CDH12: variants seen among roughly 807,000 people sequenced by gnomAD.
CDH12 encodes cadherin-12.
Under a neutral mutation model 74.1 loss-of-function variants are expected in CDH12, and 41 were observed. The ratio of observed to expected loss-of-function variants is 0.55; its 90% CI spans 0.43 to 0.72. CDH12 has a LOEUF of 0.72. Ranked by LOEUF, CDH12 falls within the 30% of genes least tolerant of loss-of-function variation. CDH12 has a pLI of 0.00. For missense variants in CDH12, 945 were observed against 977.2 expected, an observed-to-expected ratio of 0.97 and a Z score of 0.44; for synonymous variants, 399 against 355.0, an observed-to-expected ratio of 1.12 and a Z score of -1.39.
At chr5:22,622,190 A>AGTTATAAATAAGCT (rs1013661590) in intron 1 of CDH12, among the ~76,000 whole-genome samples, 1 of 152,306 alleles carries the variant, frequency 6.6e-6, no homozygotes, top group African/African-American at 2.4e-5. Flanking sequence ...TACTAGACAA[A>AGTTATAAATAAGCT]GTTATAAATA....
intron 4 of CDH12, among the ~76,000 whole-genome samples, chr5:22,207,889 C>T (rs1751307467): frequency 6.6e-6 from 1 of 152,188 alleles, no homozygotes; most frequent in Admixed American, 6.5e-5. Context: ...GGTAAGGTGA[C>T]AGCTAATAAT....
intron 1 of CDH12, among the ~76,000 whole-genome samples, chr5:22,614,820 A>G (rs893631909): frequency 6.6e-6 from 1 of 152,020 alleles, no homozygotes; most frequent in Non-Finnish European, 1.5e-5. Context: ...ACTATGCATT[A>G]ATTTCTTTTT....
At chr5:22,570,022 G>T (rs1380992654) in intron 1 of CDH12, among the ~76,000 whole-genome samples, 1 of 151,750 alleles carries the variant, frequency 6.6e-6, no homozygotes, top group African/African-American at 2.4e-5. Context: ...ATAATCTTAT[G>T]AAATGTATTT....
chr5:22,587,723 C>A (rs182217590), intron 1 of CDH12, among the ~76,000 whole-genome samples: 2 of 152,018 alleles, frequency 1.3e-5, no homozygotes, highest in Non-Finnish European at 2.9e-5. Context: ...ATCTGTTCCT[C>A]TTTACTAACC....
Position 21,751,594 on chromosome 5 carries a change from G to C in CDH12, c.*143C>G. 1.5e-6 allele frequency: 1 copy of C among 661,692 alleles called. No homozygotes were observed. Among genetic ancestry groups the C allele is most frequent in the Non-Finnish European group, 2.5e-6 (1 of 405,214 alleles). 41.0% of individuals were successfully genotyped at this position (661,692 alleles called of 1,614,324 possible). On this transcript the variant is annotated 3_prime_UTR_variant, in exon 15 of 15. Transcript: ENST00000382254. ...ACTTACTAGAAACCAGGTAATCAAA[G>C]GAATCTTGTCCCAGAGTGTGTGTGT...
rs1257629480 is a variant in CDH12 at position 22,625,935 on chromosome 5, A to G, written c.-522-120571T>C. ...CTTGAAATCCCATCACTTTGTCAGTATACACACTTGGGTGGACCTTGCCTC... is the reference window on the plus strand; with the variant it reads ...CTTGAAATCCCATCACTTTGTCAGTGTACACACTTGGGTGGACCTTGCCTC... On this transcript the variant is annotated intron_variant, in intron 1 of 14. Coordinates refer to ENST00000382254, the MANE Select transcript of CDH12 (RefSeq NM_004061.5). 3.9e-5 allele frequency among the ~76,000 whole-genome samples: 6 copies of G among 151,982 alleles called. No homozygotes were observed. The East Asian group carries it at 1.2e-3, about 30-fold the overall frequency.
At chr5:22,154,279 A>G (rs915845706) in intron 4 of CDH12, among the ~76,000 whole-genome samples, 1 of 151,440 alleles carries the variant, frequency 6.6e-6, no homozygotes, top group South Asian at 2.1e-4. Context: ...GATTTCAATT[A>G]TACAATATAG....
intron 1 of CDH12, among the ~76,000 whole-genome samples, chr5:22,723,989 C>T (rs905543888): frequency 3.3e-5 from 5 of 151,654 alleles, no homozygotes; most frequent in African/African-American, 1.2e-4. Flanking sequence ...TACGTGATAC[C>T]GTTTTCTCAG....
intron 3 of CDH12, among the ~76,000 whole-genome samples, chr5:22,334,470 A>G (rs112400181): frequency 0.014 from 2,127 of 152,268 alleles, 29 homozygotes; most frequent in Non-Finnish European, 0.02. Flanking sequence ...CTATGAAAAT[A>G]CCAATGACAT....
At chr5:22,468,495 C>T (rs1430792572) in intron 2 of CDH12, among the ~76,000 whole-genome samples, 1 of 152,090 alleles carries the variant, frequency 6.6e-6, no homozygotes, top group East Asian at 1.9e-4. Flanking sequence ...TTGGAAAGCT[C>T]AGTAAGAATT....
intron 1 of CDH12, among the ~76,000 whole-genome samples, chr5:22,545,762 T>C (rs1738296709): frequency 6.6e-6 from 1 of 152,214 alleles, no homozygotes. Context: ...TATTTTTCTC[T>C]TTTATTTGAC....
intron 4 of CDH12, among the ~76,000 whole-genome samples, chr5:22,196,592 C>CTA (rs1210321845): frequency 2.0e-5 from 3 of 152,188 alleles, no homozygotes; most frequent in African/African-American, 7.2e-5. Flanking sequence ...AGGTAGAAGG[C>CTA]TTTACACAGC....
At chr5:22,067,099 A>G (rs1741614747) in intron 5 of CDH12, among the ~76,000 whole-genome samples, 1 of 152,196 alleles carries the variant, frequency 6.6e-6, no homozygotes, top group Non-Finnish European at 1.5e-5. Flanking sequence ...CTTTAGTCCT[A>G]TGCCATAATT....
At chr5:22,450,843 T>C (rs962816950) in intron 2 of CDH12, among the ~76,000 whole-genome samples, 1 of 150,888 alleles carries the variant, frequency 6.6e-6, no homozygotes. Context: ...AAAATTCTCC[T>C]GTCTCCAGGT....
In CDH12 at chr5:22,187,363, A is replaced by G. The variant is rs570110124; in HGVS notation, c.-187+25135T>C. Among the ~76,000 whole-genome samples the G allele has an allele frequency of 2.0e-5, 3 of 152,314 alleles. No homozygotes were observed. The South Asian group carries it at 6.2e-4, about 32-fold the overall frequency. On this transcript the variant is annotated intron_variant, in intron 4 of 14. Transcript: ENST00000382254. ...AGGCTGCAACAGGAAAGCATTCTAA[A>G]CCATGCCTTTGTGTTGTATTGCAGT...
chr5:21,843,489 G>A (rs1009552928), intron 7 of CDH12, among the ~76,000 whole-genome samples: 4 of 150,796 alleles, frequency 2.7e-5, no homozygotes, highest in Non-Finnish European at 5.9e-5. Flanking sequence ...TTATGCTGCT[G>A]CTACTTTATT....
intron 1 of CDH12, among the ~76,000 whole-genome samples, chr5:22,731,402 A>C (rs2127004074): frequency 6.6e-6 from 1 of 152,020 alleles, no homozygotes; most frequent in Admixed American, 6.6e-5. Flanking sequence ...CGTTTTCATA[A>C]AAGTTGATGT....
At chr5:22,537,547 C>T (rs1737906815) in intron 1 of CDH12, among the ~76,000 whole-genome samples, 1 of 152,054 alleles carries the variant, frequency 6.6e-6, no homozygotes, top group African/African-American at 2.4e-5. Flanking sequence ...TTCCAAACCC[C>T]TCCCCAACCA....
At chr5:22,601,229 C>A (rs1160934316) in intron 1 of CDH12, among the ~76,000 whole-genome samples, 1 of 151,892 alleles carries the variant, frequency 6.6e-6, no homozygotes, top group African/African-American at 2.4e-5. Context: ...TTTTGTTATA[C>A]AGGTAACTCA....
Sources: gnomAD v4.1 joint callset for allele counts (sites outside exome capture counted in the v4.1 genomes callset) on GRCh38, gnomAD v4.1.1 for gene constraint, MANE v1.5 for transcripts, NCBI Gene and HGNC (gene_info 2026-07-23, HGNC 2026-07-21) for gene names.